The following FAF1 variants were observed in gnomAD, a reference collection of about 807,000 sequenced individuals.
FAF1 encodes the protein Fas associated factor 1, also known as FAS-associated factor 1.
A neutral mutation model predicts 92.5 loss-of-function variants in FAF1; 25 were observed. The observed-to-expected ratio is 0.27, with a 90% confidence interval of 0.20 to 0.38. The LOEUF is 0.38. Ranked by LOEUF, FAF1 falls within the 10% of genes least tolerant of loss-of-function variation. The probability of loss-of-function intolerance (pLI) is 1.00; values close to 1 mark genes in which losing one functional copy is unlikely to be tolerated. For missense variants in FAF1, 636 were observed against 793.3 expected, an observed-to-expected ratio of 0.80 and a Z score of 2.38; for synonymous variants, 234 against 273.2, an observed-to-expected ratio of 0.86 and a Z score of 1.42.
intron 8 of FAF1, among the ~76,000 whole-genome samples, chr1:50,633,539 G>A (rs1653879758): frequency 6.6e-6 from 1 of 152,156 alleles, no homozygotes; most frequent in Non-Finnish European, 1.5e-5. Context: ...CTCTACTCAA[G>A]CTGCCGCTGA....
chr1:50,708,207 T>A (rs537794556), intron 6 of FAF1, among the ~76,000 whole-genome samples: 1 of 152,132 alleles, frequency 6.6e-6, no homozygotes, highest in Non-Finnish European at 1.5e-5. Flanking sequence ...GAGCAAAGAC[T>A]GGGGGTAGGG....
intron 3 of FAF1, among the ~76,000 whole-genome samples, chr1:50,797,468 T>C (rs754907970): frequency 4.6e-5 from 7 of 152,052 alleles, no homozygotes; most frequent in South Asian, 2.1e-4. Flanking sequence ...TGTGAGGCCA[T>C]GGTGGGAGGA....
At chr1:50,909,060 G>T (rs1644862619) in intron 1 of FAF1, among the ~76,000 whole-genome samples, 1 of 152,174 alleles carries the variant, frequency 6.6e-6, no homozygotes, top group African/African-American at 2.4e-5. Context: ...GCTCTTGTAA[G>T]GTAGGCCTGG....
chr1:50,670,250 T>G (rs1391574208), intron 7 of FAF1, among the ~76,000 whole-genome samples: 4 of 152,134 alleles, frequency 2.6e-5, no homozygotes, highest in Non-Finnish European at 5.9e-5. Flanking sequence ...TTTTGTATTT[T>G]TTTGTTTGTT....
chr1:50,531,189 G>T (rs991410127), intron 15 of FAF1, among the ~76,000 whole-genome samples: 1 of 152,130 alleles, frequency 6.6e-6, no homozygotes, highest in Non-Finnish European at 1.5e-5. Flanking sequence ...TGATGTAACT[G>T]CCCTTGAAAT....
At chr1:50,893,970 C>T (rs1320330511) in intron 1 of FAF1, among the ~76,000 whole-genome samples, 1 of 152,090 alleles carries the variant, frequency 6.6e-6, no homozygotes, top group Non-Finnish European at 1.5e-5. Context: ...CCTGTGGTAA[C>T]CACCACCACA....
intron 7 of FAF1, among the ~76,000 whole-genome samples, chr1:50,663,566 C>T (rs1283664582): frequency 6.6e-6 from 1 of 151,398 alleles, no homozygotes; most frequent in Non-Finnish European, 1.5e-5. Flanking sequence ...CCACACCCGG[C>T]TAATTTTTGT....
At chr1:50,460,403 A>C (rs1401583759) in intron 18 of FAF1, among the ~76,000 whole-genome samples, 1 of 152,170 alleles carries the variant, frequency 6.6e-6, no homozygotes, top group Non-Finnish European at 1.5e-5. Flanking sequence ...TCCCAATCAT[A>C]GTGCTGAAGT....
rs12039579 is a variant in FAF1 at position 50,460,082 on chromosome 1, G to A, written c.1869+15382C>T. ...TTCACTACCATGTCCCAAATGTATT[G>A]TGCATAACAGGTGCTCAAAAATATC... is the stretch of plus-strand genomic sequence containing the variant. On this transcript the variant is annotated intron_variant, in intron 18 of 18. Transcript: ENST00000396153. Among the ~76,000 whole-genome samples, 3 of 152,282 alleles carry A rather than the reference G, an allele frequency of 2.0e-5. No homozygotes were observed. The East Asian group carries it at 5.8e-4, about 29-fold the overall frequency.
At chr1:50,613,509 A>G (rs996858888) in intron 8 of FAF1, among the ~76,000 whole-genome samples, 2 of 152,198 alleles carry the variant, frequency 1.3e-5, no homozygotes, top group Admixed American at 1.3e-4. Context: ...CAGTAATCCA[A>G]ATGTCATTCA....
At chr1:50,914,430 T>C (rs949899831) in intron 1 of FAF1, among the ~76,000 whole-genome samples, 1 of 152,220 alleles carries the variant, frequency 6.6e-6, no homozygotes, top group African/African-American at 2.4e-5. Context: ...GCTTACCCAC[T>C]GGCAAACTGC....
intron 8 of FAF1, among the ~76,000 whole-genome samples, chr1:50,620,701 T>C (rs1168751613): frequency 6.6e-6 from 1 of 152,260 alleles, no homozygotes; most frequent in Non-Finnish European, 1.5e-5. Flanking sequence ...TTCACAGGTG[T>C]ATATATTAGC....
At chr1:50,825,050 G>T (rs560889817) in intron 2 of FAF1, among the ~76,000 whole-genome samples, 8 of 152,152 alleles carry the variant, frequency 5.3e-5, no homozygotes, top group South Asian at 2.1e-4. Flanking sequence ...ACAACAGAGT[G>T]ACTATAGTTA....
intron 15 of FAF1, among the ~76,000 whole-genome samples, chr1:50,527,928 T>G (rs550909911): frequency 2.7e-5 from 4 of 148,390 alleles, no homozygotes; most frequent in African/African-American, 7.5e-5. Context: ...TGGAGTGCAG[T>G]GGTGCAATCA....
intron 1 of FAF1, among the ~76,000 whole-genome samples, chr1:50,866,529 A>G (rs906826475): frequency 2.0e-5 from 3 of 152,146 alleles, no homozygotes; most frequent in Non-Finnish European, 4.4e-5. Flanking sequence ...AATCAGTAGC[A>G]CTGCTATACA....
At chr1:50,605,192 T>C (rs1249941660) in intron 8 of FAF1, among the ~76,000 whole-genome samples, 8 of 152,208 alleles carry the variant, frequency 5.3e-5, no homozygotes, top group African/African-American at 1.9e-4. Context: ...CATAGCGAGA[T>C]AAAGAGCTGC....
chr1:50,888,388 C>T (rs1449777206), intron 1 of FAF1, among the ~76,000 whole-genome samples: 2 of 152,112 alleles, frequency 1.3e-5, no homozygotes, highest in African/African-American at 2.4e-5. Flanking sequence ...GCCTGATTGC[C>T]CTGGCCAGAA....
At chr1:50,687,750 A>G (rs1280754954) in intron 7 of FAF1, among the ~76,000 whole-genome samples, 1 of 152,000 alleles carries the variant, frequency 6.6e-6, no homozygotes, top group Non-Finnish European at 1.5e-5. Flanking sequence ...CAAAGAAAAA[A>G]AAAAAAGGAA....
chr1:50,928,799 A>AG (rs1391503829), intron 1 of FAF1, among the ~76,000 whole-genome samples: 12 of 150,264 alleles, frequency 8.0e-5, no homozygotes, highest in Non-Finnish European at 1.6e-4. Context: ...AAAAAAAAAA[A>AG]AAACTAGGGA....
Sources: allele counts gnomAD v4.1 joint callset (sites outside exome capture counted in the v4.1 genomes callset), GRCh38; gene constraint gnomAD v4.1.1; transcripts MANE v1.5; gene names NCBI Gene and HGNC (gene_info 2026-07-23, HGNC 2026-07-21).